The following BMERB1 variants were observed in gnomAD, a reference collection of about 807,000 sequenced individuals.
BMERB1 encodes bMERB domain-containing protein 1.
Under a neutral mutation model 23.6 loss-of-function variants are expected in BMERB1, and 12 were observed. The ratio of observed to expected loss-of-function variants is 0.51; its 90% CI spans 0.33 to 0.82. BMERB1 has a LOEUF of 0.82. Ranked by LOEUF, BMERB1 falls within the 40% of genes least tolerant of loss-of-function variation. The pLI, the probability that BMERB1 is intolerant of heterozygous loss-of-function variation, is 0.03. For synonymous variants in BMERB1, 122 were observed against 96.6 expected (o/e 1.26, Z -1.54); for missense variants, 247 against 255.4 (o/e 0.97, Z 0.22).
At chr16:15,477,159 C>T (rs181674779) in intron 1 of BMERB1, among the ~76,000 whole-genome samples, 22 of 152,208 alleles carry the variant, frequency 1.4e-4, no homozygotes, top group Admixed American at 2.6e-4. Flanking sequence ...TTGACTCACC[C>T]TTCCACATGT....
intron 2 of BMERB1, among the ~76,000 whole-genome samples, chr16:15,564,893 C>T (rs534728188): frequency 6.6e-6 from 1 of 152,156 alleles, no homozygotes; most frequent in African/African-American, 2.4e-5. Context: ...CCAGCTCATT[C>T]CTTACATGTA....
chr16:15,447,863 G>A, intron 1 of BMERB1: 1 of 455,946 alleles, frequency 2.2e-6, no homozygotes, highest in Admixed American at 2.4e-5. Flanking sequence ...TGGAGGACAA[G>A]GGATGGAGGG....
At chr16:15,501,178 C>G (rs2051525934) in intron 1 of BMERB1, among the ~76,000 whole-genome samples, 2 of 151,212 alleles carry the variant, frequency 1.3e-5, no homozygotes, top group South Asian at 4.2e-4. Flanking sequence ...GGTCTCGTTG[C>G]TATGTTGCCT....
At chr16:15,513,944 A>T (rs1007373246) in intron 1 of BMERB1, among the ~76,000 whole-genome samples, 1 of 152,242 alleles carries the variant, frequency 6.6e-6, no homozygotes, top group African/African-American at 2.4e-5. Flanking sequence ...TATATATATA[A>T]AAAACCACAT....
chr16:15,574,816 G>A (rs781079682), intron 3 of BMERB1, among the ~76,000 whole-genome samples: 24 of 152,174 alleles, frequency 1.6e-4, no homozygotes, highest in Admixed American at 7.2e-4. Flanking sequence ...AGTGGCTCAC[G>A]CGTATAATCC....
At chr16:15,506,332 C>CGCGT (rs1172917441) in intron 1 of BMERB1, among the ~76,000 whole-genome samples, 2 of 151,872 alleles carry the variant, frequency 1.3e-5, no homozygotes, top group African/African-American at 2.4e-5. Context: ...CCCGCCACCA[C>CGCGT]GCCCGGCTAA....
At chr16:15,446,788 A>C (rs1007906885) in intron 1 of BMERB1, among the ~76,000 whole-genome samples, 1 of 152,164 alleles carries the variant, frequency 6.6e-6, no homozygotes, top group Non-Finnish European at 1.5e-5. Context: ...TTTCCATTAC[A>C]AACATGCCTC....
At chr16:15,445,816 T>C (rs1295124160) in intron 1 of BMERB1, among the ~76,000 whole-genome samples, 1 of 152,134 alleles carries the variant, frequency 6.6e-6, no homozygotes, top group Non-Finnish European at 1.5e-5. Flanking sequence ...TCTACAAATA[T>C]TTGTACACAA....
intron 2 of BMERB1, among the ~76,000 whole-genome samples, chr16:15,562,039 G>C (rs1030048289): frequency 6.6e-6 from 1 of 152,022 alleles, no homozygotes; most frequent in African/African-American, 2.4e-5. Flanking sequence ...TAGGTGCGGT[G>C]GCTCACGCCT....
At chr16:15,509,842 T>G (rs2051639921) in intron 1 of BMERB1, among the ~76,000 whole-genome samples, 2 of 152,156 alleles carry the variant, frequency 1.3e-5, no homozygotes, top group East Asian at 1.9e-4. Context: ...AATGTGACCT[T>G]ATTTGGAAAT....
At chr16:15,514,001 A>G (rs970848779) in intron 1 of BMERB1, among the ~76,000 whole-genome samples, 1 of 152,190 alleles carries the variant, frequency 6.6e-6, no homozygotes, top group Non-Finnish European at 1.5e-5. Context: ...ATCCGTATGT[A>G]TGCTCACGCT....
intron 2 of BMERB1, among the ~76,000 whole-genome samples, chr16:15,526,662 T>TC (rs1555511314): frequency 1.3e-5 from 1 of 74,444 alleles, no homozygotes; most frequent in African/African-American, 9.2e-5. Flanking sequence ...AGACTGCATC[T>TC]CAAAAAAAAA....
chr16:15,444,123 GTTTTTTTTTTTTT>G lies in BMERB1; in HGVS notation c.106+9379_106+9391del, dbSNP rs150793082. On this transcript the variant is annotated intron_variant, in intron 1 of 5. Coordinates refer to ENST00000300006, the MANE Select transcript of BMERB1 (RefSeq NM_033201.3). ...AGGCCAGGGTCCAGGCACCAGCTTT[GTTTTTTTTTTTTT>G]TTTTTTTTTTTTTTGGCTGTTTCTT... Among the ~76,000 whole-genome samples the G allele has an allele frequency of 1.3e-3, 45 of 35,624 alleles. 2 individuals are homozygous for G. In the Admixed American group the frequency reaches 0.018, roughly 14 times the overall value. 23.4% of individuals were successfully genotyped at this position (35,624 alleles called of 152,430 possible).
intron 2 of BMERB1, among the ~76,000 whole-genome samples, chr16:15,525,634 G>A (rs1470040262): frequency 1.3e-5 from 2 of 151,762 alleles, no homozygotes; most frequent in Non-Finnish European, 2.9e-5. Context: ...GAACTTGGGA[G>A]GTGGAGGTTG....
At chr16:15,538,739 G>C (rs971624549) in intron 2 of BMERB1, among the ~76,000 whole-genome samples, 1 of 152,188 alleles carries the variant, frequency 6.6e-6, no homozygotes, top group Admixed American at 6.5e-5. Flanking sequence ...TCTGTTGTCT[G>C]CCATCACTAT....
intron 2 of BMERB1, among the ~76,000 whole-genome samples, chr16:15,559,351 G>A (rs546163944): frequency 2.6e-4 from 40 of 152,308 alleles, no homozygotes; most frequent in Admixed American, 1.4e-3. Context: ...GGGAGAAAGC[G>A]GGAGGGGAAG....
At chr16:15,545,308 T>C (rs1250582077) in intron 2 of BMERB1, among the ~76,000 whole-genome samples, 1 of 152,124 alleles carries the variant, frequency 6.6e-6, no homozygotes, top group Non-Finnish European at 1.5e-5. Flanking sequence ...AACACCCTCT[T>C]ACTGATATCT....
At chr16:15,458,954 A>C (rs2051112072) in intron 1 of BMERB1, among the ~76,000 whole-genome samples, 1 of 152,078 alleles carries the variant, frequency 6.6e-6, no homozygotes, top group African/African-American at 2.4e-5. Context: ...AAAATACAAA[A>C]AAATTATCCG....
At chr16:15,456,339 T>TG (rs1447085556) in intron 1 of BMERB1, among the ~76,000 whole-genome samples, 1 of 151,600 alleles carries the variant, frequency 6.6e-6, no homozygotes, top group Non-Finnish European at 1.5e-5. Flanking sequence ...ATCTTTTCCT[T>TG]GTTTTTTTTT....
Sources: allele counts gnomAD v4.1 joint callset (sites outside exome capture counted in the v4.1 genomes callset), GRCh38; gene constraint gnomAD v4.1.1; transcripts MANE v1.5; gene names NCBI Gene and HGNC (gene_info 2026-07-23, HGNC 2026-07-21).